Variants in RABL6 observed in about 807,000 individuals in gnomAD.
RABL6 encodes rab-like protein 6.
Under a neutral mutation model 72.9 loss-of-function variants are expected in RABL6, and 28 were observed. That is an observed-to-expected ratio of 0.38 (90% CI 0.28 to 0.53). The LOEUF is 0.53. RABL6 is among the 20% of genes least tolerant of loss of function. The pLI, the probability that RABL6 is intolerant of heterozygous loss-of-function variation, is 0.80. For synonymous variants in RABL6, 477 were observed against 421.2 expected (o/e 1.13, Z -1.62); for missense variants, 1,029 against 1,008.4 (o/e 1.02, Z -0.28).
chr9:136,818,377 A>AAAC (rs1848165198), intron 1 of RABL6, among the ~76,000 whole-genome samples: 9 of 28,798 alleles, frequency 3.1e-4, no homozygotes, highest in East Asian at 9.0e-4. Context: ...AAAAAAAAAA[A>AAAC]AAAAAAAAAA....
intron 1 of RABL6, among the ~76,000 whole-genome samples, chr9:136,811,341 G>C (rs193260119): frequency 0.018 from 2,814 of 152,220 alleles, 46 homozygotes; most frequent in Non-Finnish European, 0.027. Flanking sequence ...TTTTTTGCCG[G>C]GCGCGGTGGC....
rs768023550 is a variant in RABL6 at position 136,831,837 on chromosome 9, G to A, written c.575G>A (p.Arg192His). The A allele has an allele frequency of 3.8e-5, 62 of 1,612,356 alleles. No individual in the cohort carries two copies. The Admixed American group carries it at 4.8e-4, about 13-fold the overall frequency. The change falls in exon 6 of 15, where the codon CGT becomes CAT. Residue 192 changes from arginine (R) to histidine (H), a missense_variant. Transcript: ENST00000311502. ...CGAGTCATCCTGCCGGACGACGTGC[G>A]TGACTTCATCGACAACCTGGACAGG... is the stretch of plus-strand genomic sequence containing the variant. ...EHRVILPDDV[R>H]DFIDNLDRPP...
Position 136,831,708 on chromosome 9 carries a change from C to A in RABL6, c.459-13C>A. On this transcript the variant is annotated splice_polypyrimidine_tract_variant and intron_variant, in intron 5 of 14. Transcript: ENST00000311502. ...GGGCTGAAACTAAGCCAGGTCCTCACCTGTTCTCCGAGGACCTTCAATTAC... is the reference window on the plus strand; with the variant it reads ...GGGCTGAAACTAAGCCAGGTCCTCAACTGTTCTCCGAGGACCTTCAATTAC... The A allele has an allele frequency of 1.2e-6, 2 of 1,612,978 alleles. No homozygotes were observed. Among genetic ancestry groups the A allele is most frequent in the Non-Finnish European group, 1.7e-6 (2 of 1,179,764 alleles).
chr9:136,833,671 G>T, intron 7 of RABL6: 1 of 1,548,190 alleles, frequency 6.5e-7, no homozygotes, highest in South Asian at 1.2e-5. Flanking sequence ...ACTGGGTCTG[G>T]GGGACCTGGG....
At position 136,831,629 on chromosome 9, in the gene RABL6, C is replaced by T. The variant is rs1010950057; in HGVS notation, c.459-92C>T. 5.2e-6 allele frequency: 8 copies of T among 1,546,880 alleles called. No homozygotes were observed. In the Admixed American group the frequency reaches 1.4e-4, roughly 27 times the overall value. On this transcript the variant is annotated intron_variant, in intron 5 of 14. Transcript: ENST00000311502. ...GGATGTTGGAAATGAGAAGCAGCCA[C>T]CATCCTCGGGCCTGGGCGCACAGCA... is the stretch of plus-strand genomic sequence containing the variant.
intron 8 of RABL6, chr9:136,836,974 C>T (rs747349613): frequency 1.2e-3 from 454 of 380,922 alleles, no homozygotes; most frequent in Non-Finnish European, 1.9e-3. Context: ...CCCGGGTTCA[C>T]GCCATTCTCC....
At chr9:136,825,721 T>G in intron 2 of RABL6, 58 bp from the exon 3 acceptor site, 1 of 1,571,270 alleles carries the variant, frequency 6.4e-7, no homozygotes, top group Non-Finnish European at 8.8e-7. Context: ...CTGGACCGCT[T>G]TGTGCCACCT....
intron 1 of RABL6, chr9:136,808,898 G>A (rs1374889237): frequency 2.0e-5 from 3 of 152,202 alleles, no homozygotes; most frequent in African/African-American, 4.8e-5. Flanking sequence ...AGAAGGCACG[G>A]GCTGACTTGC....
intron 1 of RABL6, chr9:136,812,811 G>T: frequency 2.7e-6 from 1 of 368,144 alleles, no homozygotes; most frequent in South Asian, 2.4e-5. Context: ...TTTCCTTGTG[G>T]CTTGTGGTCA....
Position 136,838,913 on chromosome 9 carries a change from G to C in RABL6, c.1285G>C (p.Gly429Arg), listed in dbSNP as rs139352186. ...GCTTTGCCCCCTGCTTTGCAGTGAT[G>C]GGGAGGCCCTGGGCGGCAACCCGAT... ...KAAQQDSDSD[G>R]EALGGNPMVA... Residue 429 changes from glycine to arginine, a missense_variant, in exon 11 of 15, where the codon GGG (glycine) becomes CGG (arginine). This residue lies in a region of RABL6 where 595 missense variants were observed against 472.4 expected (regional missense o/e 1.26). Transcript: ENST00000311502. The C allele has an allele frequency of 4.8e-3, 7,635 of 1,587,992 alleles. 24 individuals carry two copies. The highest frequency in any genetic ancestry group is 6.2e-3 in the Non-Finnish European group (7,216 of 1,166,478).
Position 136,826,439 on chromosome 9 carries a change from A to G in RABL6, c.313+613A>G, listed in dbSNP as rs1848358825. 6.6e-6 allele frequency among the ~76,000 whole-genome samples: 1 copy of G among 151,996 alleles called. No homozygotes were observed. Among genetic ancestry groups the G allele is most frequent in the South Asian group, 2.1e-4 (1 of 4,820 alleles). On this transcript the variant is annotated intron_variant, in intron 3 of 14. Coordinates refer to ENST00000311502, the MANE Select transcript of RABL6 (RefSeq NM_024718.5). This position sits in a 1 kb window ranked among gnomAD's most constrained non-coding sequence, Gnocchi z 4.9. ...CTGGCCACGTGCACGCCCCGGCCTC[A>G]CAGGCCTGGCTGTGGCCTCGTTACG...
chr9:136,808,644 T>C (rs1183789108), intron 1 of RABL6: 1 of 157,562 alleles, frequency 6.3e-6, no homozygotes, highest in African/African-American at 2.5e-5. Context: ...CCGGGGGTGA[T>C]TACATAATGC....
intron 7 of RABL6, 200 bp from the exon 8 acceptor site, chr9:136,835,542 C>T: frequency 1.8e-6 from 1 of 544,870 alleles, no homozygotes; most frequent in South Asian, 2.6e-5. Context: ...GTCGTGCCGG[C>T]CACCGCAGAG....
intron 8 of RABL6, 47 bp downstream of exon 8, chr9:136,835,892 G>A (rs757039885): frequency 1.0e-4 from 154 of 1,510,594 alleles, no homozygotes; most frequent in Non-Finnish European, 1.2e-4. Context: ...GGCTGCGGGC[G>A]TGGCCGTGGT....
At chr9:136,808,462 G>A (rs1358647348) in intron 1 of RABL6, 136 bp downstream of exon 1, 4 of 986,838 alleles carry the variant, frequency 4.1e-6, no homozygotes, top group East Asian at 7.4e-5. Flanking sequence ...CGGGCGCTCC[G>A]GGAGCGGGGG....
chr9:136,831,766 C>T lies in RABL6; in HGVS notation c.504C>T (p.His168=), dbSNP rs765507597. ...GGGAGCTTCCAAAAGTGCCCACCCA[C>T]GTGCCAGTGTGCGTGCTGGGAAACT... The part of the protein sequence containing the change: ...ILRELPKVPT[H]VPVCVLGNYR... Residue 168 remains histidine, a synonymous_variant, in exon 6 of 15, where the codon CAC becomes CAT. Coordinates refer to ENST00000311502, the MANE Select transcript of RABL6 (RefSeq NM_024718.5). The T allele has an allele frequency of 2.9e-5, 46 of 1,613,392 alleles. No homozygotes were observed. Among genetic ancestry groups the T allele is most frequent in the Middle Eastern group, 3.3e-4 (2 of 6,082 alleles).
chr9:136,841,012 C>T lies in RABL6; in HGVS notation c.*490C>T, dbSNP rs547365475. The T allele has an allele frequency of 2.2e-5, 32 of 1,435,430 alleles. No individual in the cohort carries two copies. Among genetic ancestry groups the T allele is most frequent in the Admixed American group, 8.9e-5 (3 of 33,694 alleles). 88.9% of individuals were successfully genotyped at this position (1,435,430 alleles called of 1,614,324 possible). On this transcript the variant is annotated 3_prime_UTR_variant, in exon 15 of 15. Transcript: ENST00000311502. ...ACCCTAAAGGGCGGCCCAGGCCCCA[C>T]GCTAGAAGGCTGGCGAGACCGAAGG...
intron 1 of RABL6, chr9:136,815,182 G>T: frequency 3.0e-6 from 1 of 329,342 alleles, no homozygotes; most frequent in Non-Finnish European, 5.9e-6. Flanking sequence ...CGTTCTTGCC[G>T]TTCTTTGCCC....
intron 3 of RABL6, chr9:136,827,613 C>T (rs1197152322): frequency 6.6e-6 from 1 of 152,410 alleles, no homozygotes; most frequent in East Asian, 1.9e-4. Flanking sequence ...TCTGCTGAGC[C>T]CTTTGTGGCC....
Sources: allele counts gnomAD v4.1 joint callset (sites outside exome capture counted in the v4.1 genomes callset), GRCh38; gene constraint gnomAD v4.1.1; regional missense constraint gnomAD v4.1.1; non-coding constraint Gnocchi (gnomAD v3.1); transcripts MANE v1.5; gene names NCBI Gene and HGNC (gene_info 2026-07-23, HGNC 2026-07-21).